USH2A: variants seen among roughly 807,000 people sequenced by gnomAD.
USH2A encodes usherin.
USH2A carries 443 observed loss-of-function variants against 538.9 expected under a neutral mutation model. That is an observed-to-expected ratio of 0.82 (90% confidence interval 0.76 to 0.89). The LOEUF is 0.89. USH2A is among the 40% of genes least tolerant of loss of function. The pLI is 0.00. For synonymous variants in USH2A, 2,413 were observed against 2,273.5 expected (o/e 1.06, Z -1.75); for missense variants, 6,633 against 6,324.8 (o/e 1.05, Z -1.65).
intron 61 of USH2A, among the ~76,000 whole-genome samples, chr1:215,721,351 A>G (rs556096980): frequency 6.6e-6 from 1 of 152,318 alleles, no homozygotes; most frequent in African/African-American, 2.4e-5. Context: ...CTGAGATTAC[A>G]GGCATGAGCC....
intron 43 of USH2A, among the ~76,000 whole-genome samples, chr1:215,868,542 T>G (rs79146777): frequency 6.6e-6 from 1 of 152,322 alleles, no homozygotes; most frequent in African/African-American, 2.4e-5. Flanking sequence ...TTCTGCTTTG[T>G]CTGCTGTAGT....
intron 32 of USH2A, among the ~76,000 whole-genome samples, chr1:216,013,440 T>G (rs943566021): frequency 1.3e-5 from 2 of 151,850 alleles, no homozygotes; most frequent in African/African-American, 2.4e-5. Context: ...TTTTTCTTAT[T>G]AATATAAGAA....
intron 24 of USH2A, among the ~76,000 whole-genome samples, chr1:216,085,856 A>G (rs2032113152): frequency 6.6e-6 from 1 of 152,052 alleles, no homozygotes; most frequent in African/African-American, 2.4e-5. Flanking sequence ...GGATTCAACT[A>G]TATCCTTCTC....
At chr1:216,196,831 A>G in intron 18 of USH2A, 109 bp from the exon 19 acceptor site, 1 of 1,315,356 alleles carries the variant, frequency 7.6e-7, no homozygotes, top group South Asian at 1.3e-5. Flanking sequence ...TTTACCTTTT[A>G]AAATATTCTG....
intron 47 of USH2A, among the ~76,000 whole-genome samples, chr1:215,828,775 A>T (rs1663231938): frequency 6.6e-6 from 1 of 152,196 alleles, no homozygotes; most frequent in South Asian, 2.1e-4. Context: ...ATGCCTGGAA[A>T]TGATGCATTT....
intron 4 of USH2A, among the ~76,000 whole-genome samples, chr1:216,336,623 G>C (rs537492482): frequency 6.6e-6 from 1 of 151,460 alleles, no homozygotes; most frequent in South Asian, 2.1e-4. Context: ...ATCATACACA[G>C]TCCACTGTAT....
chr1:215,991,041 G>A (rs4655440), intron 35 of USH2A, among the ~76,000 whole-genome samples: 66,266 of 151,858 alleles, frequency 0.44, 16,724 homozygotes, highest in East Asian at 0.85. Flanking sequence ...GATTACAGGC[G>A]TGAGCCACCA....
At chr1:216,343,163 C>G (rs373180192) in intron 4 of USH2A, among the ~76,000 whole-genome samples, 1 of 151,258 alleles carries the variant, frequency 6.6e-6, no homozygotes, top group Non-Finnish European at 1.5e-5. Flanking sequence ...ATATAGCTGC[C>G]CACAGATTAT....
chr1:216,034,988 G>T (rs1216096424), intron 32 of USH2A, among the ~76,000 whole-genome samples: 1 of 152,172 alleles, frequency 6.6e-6, no homozygotes, highest in Non-Finnish European at 1.5e-5. Flanking sequence ...CAAAAAGTAA[G>T]GCTGGGAGCA....
rs1657808845 is a variant in USH2A, at chr1:215,671,301, A to T, written c.13812-8T>A. On this transcript the variant is annotated splice_polypyrimidine_tract_variant and splice_region_variant and intron_variant, in intron 63 of 71. Transcript: ENST00000307340. ...TGAATTCGTATTTCATACCTTCAGG[A>T]CATAAGGCAGAAATTAGTGATTTTC... 1 of 1,613,960 alleles carries T rather than the reference A, an allele frequency of 6.2e-7. No individual in the cohort carries two copies. The highest frequency in any genetic ancestry group is 8.5e-7 in the Non-Finnish European group (1 of 1,179,956).
chr1:215,712,601 C>G (rs1659368609), intron 61 of USH2A, among the ~76,000 whole-genome samples: 1 of 149,440 alleles, frequency 6.7e-6, no homozygotes, highest in South Asian at 2.1e-4. Context: ...AGGAGCTTGT[C>G]CTCTTGGCTG....
intron 4 of USH2A, among the ~76,000 whole-genome samples, chr1:216,358,686 T>C (rs2038435399): frequency 1.3e-5 from 2 of 152,234 alleles, no homozygotes; most frequent in Middle Eastern, 3.4e-3. Context: ...AGATAAAAAT[T>C]ATTTAAAATA....
At chr1:215,717,484 T>C (rs2102703772) in intron 61 of USH2A, among the ~76,000 whole-genome samples, 1 of 152,288 alleles carries the variant, frequency 6.6e-6, no homozygotes, top group African/African-American at 2.4e-5. Context: ...TTGTAACTAT[T>C]TATAAGTACA....
chr1:215,973,839 T>G (rs1363376285), intron 35 of USH2A, among the ~76,000 whole-genome samples: 1 of 151,952 alleles, frequency 6.6e-6, no homozygotes, highest in Non-Finnish European at 1.5e-5. Context: ...TTAAGTGATA[T>G]TTGTGACAGT....
chr1:216,279,313 C>T (rs2036728058), intron 11 of USH2A, among the ~76,000 whole-genome samples: 1 of 151,984 alleles, frequency 6.6e-6, no homozygotes, highest in African/African-American at 2.4e-5. Context: ...ACAATTCAAG[C>T]CTAACTTAAT....
chr1:216,059,923 T>A (rs1571925138), intron 30 of USH2A, among the ~76,000 whole-genome samples: 1 of 152,302 alleles, frequency 6.6e-6, no homozygotes, highest in South Asian at 2.1e-4. Context: ...ATCCATGTTA[T>A]CAAGATCCCC....
Position 216,384,406 on chromosome 1 carries a change from T to C in USH2A, c.652-19321A>G, listed in dbSNP as rs138640759. ...GAAGAAATGCTAAATGAAATAAGAA[T>C]ACACTCATACTATTTTGCCCATAAA... On this transcript the variant is annotated intron_variant, in intron 3 of 71. Coordinates refer to ENST00000307340, the MANE Select transcript of USH2A (RefSeq NM_206933.4). 7.7e-3 allele frequency among the ~76,000 whole-genome samples: 1,169 copies of C among 152,154 alleles called. 21 individuals are homozygous for C. Among genetic ancestry groups the C allele is most frequent in the African/African-American group, 0.027 (1,133 of 41,526 alleles).
intron 9 of USH2A, among the ~76,000 whole-genome samples, chr1:216,308,822 GT>G (rs2037366204): frequency 6.6e-6 from 1 of 152,096 alleles, no homozygotes; most frequent in Non-Finnish European, 1.5e-5. Context: ...AGTAATGTCT[GT>G]TTTGCCTAAT....
intron 3 of USH2A, among the ~76,000 whole-genome samples, chr1:216,401,716 T>C (rs1252790267): frequency 6.6e-6 from 1 of 152,036 alleles, no homozygotes; most frequent in Non-Finnish European, 1.5e-5. Context: ...GGACATTACA[T>C]AATGATAAAA....
Sources: gnomAD v4.1 joint callset for allele counts (sites outside exome capture counted in the v4.1 genomes callset) on GRCh38, gnomAD v4.1.1 for gene constraint, MANE v1.5 for transcripts, NCBI Gene and HGNC (gene_info 2026-07-23, HGNC 2026-07-21) for gene names.